Variants in FTO observed in about 807,000 individuals in gnomAD.
FTO encodes alpha-ketoglutarate-dependent dioxygenase FTO.
FTO carries 47 observed loss-of-function variants against 63.9 expected under a neutral mutation model. That is an observed-to-expected ratio of 0.74 (90% CI 0.58 to 0.94). The LOEUF (loss-of-function observed/expected upper bound fraction) is 0.94. Among genes scored for constraint, FTO ranks in the 40% least tolerant of loss-of-function variants. The pLI is 0.00. For missense variants in FTO, 562 were observed against 618.1 expected (o/e 0.91, Z 0.96); for synonymous variants, 207 against 224.4 (o/e 0.92, Z 0.69).
At chr16:53,795,722 G>A (rs919867496) in intron 1 of FTO, among the ~76,000 whole-genome samples, 1 of 152,086 alleles carries the variant, frequency 6.6e-6, no homozygotes, top group Non-Finnish European at 1.5e-5. Context: ...AAGGGATATA[G>A]AGGAAAAAAC....
In FTO at chr16:53,935,096, G is replaced by T. The variant is rs146407634; in HGVS notation, c.1364+987G>T. On this transcript the variant is annotated intron_variant, in intron 8 of 8. Transcript: ENST00000471389. ...TAGAACTAGTTCTCGCAAATGTTAG[G>T]ATTATCTTTTAGATCTGTAGTTTGT... 1.5e-4 allele frequency among the ~76,000 whole-genome samples: 23 copies of T among 152,262 alleles called. No homozygotes were observed. In the East Asian group the frequency reaches 4.3e-3, roughly 28 times the overall value.
chr16:53,986,081 T>G (rs1302793465), intron 8 of FTO, among the ~76,000 whole-genome samples: 4 of 152,224 alleles, frequency 2.6e-5, no homozygotes, highest in African/African-American at 9.6e-5. Context: ...GGGAGTATTT[T>G]CACCATGCAT....
chr16:53,822,240 C>G (rs569771161), intron 2 of FTO, among the ~76,000 whole-genome samples: 1 of 152,316 alleles, frequency 6.6e-6, no homozygotes, highest in African/African-American at 2.4e-5. Flanking sequence ...ACCACCCCTC[C>G]AAAAGAAACC....
chr16:53,755,022 G>T (rs1466819381), intron 1 of FTO, among the ~76,000 whole-genome samples: 4 of 152,168 alleles, frequency 2.6e-5, no homozygotes, highest in Admixed American at 2.6e-4. Context: ...ATGTTTCCTA[G>T]GGAAAAGGGC....
intron 8 of FTO, among the ~76,000 whole-genome samples, chr16:54,051,480 C>A (rs2085311042): frequency 6.6e-6 from 1 of 152,240 alleles, no homozygotes; most frequent in African/African-American, 2.4e-5. Flanking sequence ...CTGAGCCAGG[C>A]TTTGCCGTGG....
intron 1 of FTO, among the ~76,000 whole-genome samples, chr16:53,788,821 A>G (rs73612046): frequency 0.068 from 10,379 of 152,104 alleles, 1,188 homozygotes; most frequent in African/African-American, 0.24. Context: ...GTAAGTGTGT[A>G]AATACACTGT....
intron 8 of FTO, chr16:54,040,487 A>C (rs1198481324): frequency 2.6e-5 from 4 of 152,258 alleles, no homozygotes; most frequent in Non-Finnish European, 4.4e-5. Flanking sequence ...TGGAGCTTAC[A>C]TTCCAGTGGG....
chr16:53,799,772 C>T (rs963557146), intron 1 of FTO, among the ~76,000 whole-genome samples: 3 of 152,192 alleles, frequency 2.0e-5, no homozygotes, highest in Non-Finnish European at 2.9e-5. Flanking sequence ...CTAGGCTAAC[C>T]TCTTCTTGAG....
chr16:53,904,201 G>C (rs528454306), intron 7 of FTO, among the ~76,000 whole-genome samples: 1 of 152,144 alleles, frequency 6.6e-6, no homozygotes, highest in South Asian at 2.1e-4. Context: ...AGAATGATTG[G>C]TGAAAAATGG....
chr16:53,776,190 AT>A (rs1447161051), intron 1 of FTO, among the ~76,000 whole-genome samples: 2 of 152,154 alleles, frequency 1.3e-5, no homozygotes, highest in African/African-American at 4.8e-5. Flanking sequence ...TGAGCTCCTT[AT>A]CCCCGTTTGC....
At chr16:54,032,391 G>C (rs1222604583) in intron 8 of FTO, among the ~76,000 whole-genome samples, 1 of 152,148 alleles carries the variant, frequency 6.6e-6, no homozygotes, top group African/African-American at 2.4e-5. Flanking sequence ...ATTTGAGTAT[G>C]GGAAGAGGTT....
At chr16:54,091,128 G>A (rs708250) in intron 8 of FTO, among the ~76,000 whole-genome samples, 23,512 of 152,196 alleles carry the variant, frequency 0.15, 5,302 homozygotes, top group African/African-American at 0.5. Flanking sequence ...GGTGTGGTCC[G>A]TTGGAGGCCA....
At chr16:53,913,694 G>A (rs115728489) in intron 7 of FTO, among the ~76,000 whole-genome samples, 2,432 of 152,154 alleles carry the variant, frequency 0.016, 50 homozygotes, top group African/African-American at 0.055. Flanking sequence ...AAAGCCACTC[G>A]TAGACCTGGC....
At chr16:53,904,588 C>T (rs2081489358) in intron 7 of FTO, among the ~76,000 whole-genome samples, 1 of 152,234 alleles carries the variant, frequency 6.6e-6, no homozygotes, top group Admixed American at 6.5e-5. Flanking sequence ...GAGTTCCACA[C>T]GGGATGTAGG....
At chr16:53,767,515 AAAAT>A (rs1324207022) in intron 1 of FTO, among the ~76,000 whole-genome samples, 4 of 152,164 alleles carry the variant, frequency 2.6e-5, no homozygotes, top group Non-Finnish European at 4.4e-5. Flanking sequence ...AAAAAAATAA[AAAAT>A]AAATAAAATA....
At chr16:53,818,620 C>A (rs1308734482) in intron 2 of FTO, among the ~76,000 whole-genome samples, 30 of 151,416 alleles carry the variant, frequency 2.0e-4, no homozygotes, top group Admixed American at 2.0e-3. Context: ...TCAGGGATAA[C>A]CACCATAAAC....
intron 8 of FTO, among the ~76,000 whole-genome samples, chr16:54,094,755 C>T (rs1210057011): frequency 6.6e-6 from 1 of 152,120 alleles, no homozygotes; most frequent in African/African-American, 2.4e-5. Flanking sequence ...AGGACGCCAC[C>T]GAAGAGGCGT....
chr16:53,913,403 C>T (rs1457755253), intron 7 of FTO, among the ~76,000 whole-genome samples: 2 of 152,128 alleles, frequency 1.3e-5, no homozygotes, highest in Non-Finnish European at 2.9e-5. Context: ...ATAAAATAAA[C>T]CTTAATCTCT....
At chr16:54,010,070 G>C (rs532719980) in intron 8 of FTO, among the ~76,000 whole-genome samples, 1 of 152,154 alleles carries the variant, frequency 6.6e-6, no homozygotes, top group Non-Finnish European at 1.5e-5. Context: ...AGCCTCAGTA[G>C]CTCTAATAGG....
Sources: gnomAD v4.1 joint callset for allele counts (sites outside exome capture counted in the v4.1 genomes callset) on GRCh38, gnomAD v4.1.1 for gene constraint, MANE v1.5 for transcripts, NCBI Gene and HGNC (gene_info 2026-07-23, HGNC 2026-07-21) for gene names.